Variants in RBFOX1 observed in about 807,000 individuals in gnomAD.
The protein encoded by RBFOX1 is RNA binding protein fox-1 homolog 1.
RBFOX1 carries 8 observed loss-of-function variants against 57.7 expected under a neutral mutation model. The ratio of observed to expected loss-of-function variants is 0.14; its 90% CI spans 0.08 to 0.25. The LOEUF (loss-of-function observed/expected upper bound fraction) is 0.25. Ranked by LOEUF, RBFOX1 falls within the 10% of genes least tolerant of loss-of-function variation. The pLI is 1.00. For missense variants in RBFOX1, 611 were observed against 548.5 expected, an observed-to-expected ratio of 1.11 and a Z score of -1.14; for synonymous variants, 326 against 222.4, an observed-to-expected ratio of 1.47 and a Z score of -4.15.
rs376866001 is a variant in RBFOX1, at chr16:6,982,403, G to C, written c.-15-69654G>C. Among the ~76,000 whole-genome samples, 14 of 152,200 alleles carry C rather than the reference G, an allele frequency of 9.2e-5. 1 individual carries two copies. In the East Asian group the frequency reaches 2.7e-3, roughly 29 times the overall value. ...ACACTGAATATCATTCCAGAGTCAG[G>C]GCTCTGATCCTGGAGCATCAGTCAT... On this transcript the variant is annotated intron_variant, in intron 3 of 15. Transcript: ENST00000550418.
chr16:5,543,812 G>A (rs2045068340), intron 2 of RBFOX1, among the ~76,000 whole-genome samples: 2 of 152,186 alleles, frequency 1.3e-5, no homozygotes, highest in South Asian at 2.1e-4. Context: ...TACTTACAGA[G>A]CCACAAAGAT....
Position 6,710,742 on chromosome 16 carries a change from G to A in RBFOX1, c.-16+56092G>A, listed in dbSNP as rs918654909. ...CCTCGGGTGGCCCATTAGATGGCAGGAAAATGGCCCTTGGCAACCCCAAGC... is the reference window on the plus strand; with the variant it reads ...CCTCGGGTGGCCCATTAGATGGCAGAAAAATGGCCCTTGGCAACCCCAAGC... On this transcript the variant is annotated intron_variant, in intron 3 of 15. Coordinates refer to ENST00000550418, the MANE Select transcript of RBFOX1 (RefSeq NM_018723.4). Among the ~76,000 whole-genome samples the A allele has an allele frequency of 3.3e-5, 5 of 152,216 alleles. No individual in the cohort carries two copies. In the South Asian group the frequency reaches 6.2e-4, roughly 19 times the overall value.
chr16:7,137,423 T>C (rs957932417), intron 4 of RBFOX1, among the ~76,000 whole-genome samples: 4 of 152,076 alleles, frequency 2.6e-5, no homozygotes, highest in African/African-American at 9.7e-5. Context: ...GTAAGTCTGA[T>C]GAGATCTGAT....
At chr16:5,864,805 G>T (rs562692942) in intron 3 of RBFOX1, among the ~76,000 whole-genome samples, 1 of 152,096 alleles carries the variant, frequency 6.6e-6, no homozygotes, top group Non-Finnish European at 1.5e-5. Flanking sequence ...AAACTGAAAC[G>T]CAAATGGCTT....
chr16:5,701,765 A>G (rs1202170344), intron 3 of RBFOX1, among the ~76,000 whole-genome samples: 3 of 152,164 alleles, frequency 2.0e-5, no homozygotes, highest in Non-Finnish European at 2.9e-5. Context: ...CCATCTTACC[A>G]GAGGCATTTT....
intron 3 of RBFOX1, among the ~76,000 whole-genome samples, chr16:6,745,379 A>G (rs964795299): frequency 9.2e-5 from 14 of 152,198 alleles, no homozygotes. Context: ...AGTCTTCCTC[A>G]TGAATACCTA....
intron 3 of RBFOX1, among the ~76,000 whole-genome samples, chr16:7,034,191 C>G (rs956122346): frequency 6.6e-6 from 1 of 152,114 alleles, no homozygotes; most frequent in African/African-American, 2.4e-5. Context: ...ACTCCTGGCT[C>G]TGGTTTTTCC....
At chr16:7,178,916 G>T (rs1036371108) in intron 4 of RBFOX1, among the ~76,000 whole-genome samples, 13 of 152,096 alleles carry the variant, frequency 8.5e-5, no homozygotes, top group African/African-American at 3.1e-4. Context: ...TAACAAGATC[G>T]TAAATAATAG....
At chr16:7,045,061 G>C (rs1038458775) in intron 3 of RBFOX1, among the ~76,000 whole-genome samples, 2 of 152,146 alleles carry the variant, frequency 1.3e-5, no homozygotes, top group Non-Finnish European at 2.9e-5. Flanking sequence ...TTTCTTCACG[G>C]AAGATGTGAG....
At chr16:5,421,819 G>C (rs746154038) in intron 1 of RBFOX1, among the ~76,000 whole-genome samples, 2 of 152,192 alleles carry the variant, frequency 1.3e-5, no homozygotes, top group Non-Finnish European at 2.9e-5. Context: ...AATGGATATG[G>C]AGAGGCCGTT....
At chr16:6,526,992 C>G (rs567805125) in intron 2 of RBFOX1, among the ~76,000 whole-genome samples, 3 of 152,020 alleles carry the variant, frequency 2.0e-5, no homozygotes, top group Admixed American at 1.3e-4. Context: ...AAGAGAAATT[C>G]AAATCTGGAA....
chr16:7,533,775 G>C (rs1349456026), intron 5 of RBFOX1, among the ~76,000 whole-genome samples: 2 of 152,124 alleles, frequency 1.3e-5, no homozygotes, highest in Non-Finnish European at 2.9e-5. Flanking sequence ...TCGTAAGTTA[G>C]GAATCATCTG....
intron 4 of RBFOX1, among the ~76,000 whole-genome samples, chr16:7,447,168 G>A (rs575045777): frequency 3.7e-4 from 56 of 151,858 alleles, no homozygotes; most frequent in Non-Finnish European, 6.3e-4. Flanking sequence ...GGAGCCCTCC[G>A]TAAGAAAAAC....
At chr16:7,150,090 C>A (rs1265778195) in intron 4 of RBFOX1, among the ~76,000 whole-genome samples, 1 of 152,170 alleles carries the variant, frequency 6.6e-6, no homozygotes, top group Admixed American at 6.5e-5. Flanking sequence ...GCCTGTTCTT[C>A]CCTCTCTCTT....
chr16:6,966,016 G>C (rs551300428), intron 3 of RBFOX1, among the ~76,000 whole-genome samples: 1 of 152,148 alleles, frequency 6.6e-6, no homozygotes, highest in Non-Finnish European at 1.5e-5. Flanking sequence ...GCGTATCATA[G>C]AAAATCGGAG....
chr16:7,140,653 C>A (rs1340416594), intron 4 of RBFOX1, among the ~76,000 whole-genome samples: 3 of 152,150 alleles, frequency 2.0e-5, no homozygotes, highest in Non-Finnish European at 4.4e-5. Context: ...TCTGAACCAA[C>A]AATTCCTGTG....
At chr16:6,105,073 G>T (rs948600657) in intron 1 of RBFOX1, among the ~76,000 whole-genome samples, 2 of 152,142 alleles carry the variant, frequency 1.3e-5, no homozygotes, top group African/African-American at 4.8e-5. Flanking sequence ...AAATTCAGAA[G>T]CCAAGAAGGA....
chr16:6,879,111 TAC>T (rs1041826443), intron 3 of RBFOX1, among the ~76,000 whole-genome samples: 1 of 152,238 alleles, frequency 6.6e-6, no homozygotes, highest in African/African-American at 2.4e-5. Flanking sequence ...TTGAATATAT[TAC>T]AGTTTGACCT....
chr16:7,709,358 C>A lies in RBFOX1; in HGVS notation c.1071+227C>A, dbSNP rs2083513710. On this transcript the variant is annotated intron_variant, in intron 15 of 15. Coordinates refer to ENST00000550418, the MANE Select transcript of RBFOX1 (RefSeq NM_018723.4). ...TTATTATATTTCTAATTTTGCAAGTCTCACCTAGCAGAGCACTTACCTTAA... is the reference window on the plus strand; with the variant it reads ...TTATTATATTTCTAATTTTGCAAGTATCACCTAGCAGAGCACTTACCTTAA... 3 of 1,059,200 alleles carry A rather than the reference C, an allele frequency of 2.8e-6. No homozygotes were observed. In the East Asian group the frequency reaches 8.4e-5, roughly 30 times the overall value. The allele number at this position is 1,059,200 out of a possible 1,614,324, so 65.6% of individuals were successfully genotyped here.
Sources: gnomAD v4.1 joint callset for allele counts (sites outside exome capture counted in the v4.1 genomes callset) on GRCh38, gnomAD v4.1.1 for gene constraint, MANE v1.5 for transcripts, NCBI Gene and HGNC (gene_info 2026-07-23, HGNC 2026-07-21) for gene names.